Variants in C1orf21 observed in about 807,000 individuals in gnomAD.
The protein encoded by C1orf21 is chromosome 1 open reading frame 21, also known as uncharacterized protein C1orf21.
C1orf21 carries 3 observed loss-of-function variants against 18.7 expected under a neutral mutation model. That is an observed-to-expected ratio of 0.16 (90% CI 0.07 to 0.42). C1orf21 has a LOEUF of 0.42. C1orf21 is among the 10% of genes least tolerant of loss of function. The pLI is 0.99. For missense variants in C1orf21, 104 were observed against 143.6 expected (o/e 0.72, Z 1.41); for synonymous variants, 41 against 46.4 (o/e 0.88, Z 0.47).
chr1:184,526,120 C>G (rs1446059398), intron 3 of C1orf21, among the ~76,000 whole-genome samples: 2 of 152,108 alleles, frequency 1.3e-5, no homozygotes. Flanking sequence ...GTTGAGTTAA[C>G]CATATTGTCC....
At chr1:184,497,812 C>T (rs1490512855) in intron 2 of C1orf21, among the ~76,000 whole-genome samples, 4 of 152,052 alleles carry the variant, frequency 2.6e-5, no homozygotes, top group Non-Finnish European at 4.4e-5. Context: ...CAGAGACATA[C>T]GAAAAGAAGC....
Position 184,628,552 on chromosome 1 carries a change from A to T in C1orf21, c.*8996A>T, listed in dbSNP as rs1308553829. 6.6e-6 allele frequency: 1 copy of T among 152,550 alleles called. No homozygotes were observed. The highest frequency in any genetic ancestry group is 1.5e-5 in the Non-Finnish European group (1 of 68,046). The allele number at this position is 152,550 out of a possible 1,614,324, so 9.4% of individuals were successfully genotyped here. A position where few individuals can be genotyped will look rare whatever the true frequency, so the allele number is the denominator to read the frequency against. ...GCAGAATAAGAAAGTCCTAAGGCAG[A>T]ATCCCCAGGAACTTCAAATCTGGGA... On this transcript the variant is annotated 3_prime_UTR_variant, in exon 6 of 6. Coordinates refer to ENST00000235307, the MANE Select transcript of C1orf21 (RefSeq NM_030806.4).
intron 2 of C1orf21, among the ~76,000 whole-genome samples, chr1:184,506,404 G>C (rs527652300): frequency 6.6e-6 from 1 of 152,176 alleles, no homozygotes; most frequent in Non-Finnish European, 1.5e-5. Flanking sequence ...ATATTAGAAA[G>C]TGGTGTTATA....
At chr1:184,539,094 T>G (rs1658604848) in intron 3 of C1orf21, among the ~76,000 whole-genome samples, 1 of 152,158 alleles carries the variant, frequency 6.6e-6, no homozygotes, top group Admixed American at 6.5e-5. Context: ...GAGGGGAAGA[T>G]TTTAATCTTT....
intron 3 of C1orf21, among the ~76,000 whole-genome samples, chr1:184,551,947 A>AAG (rs1178053068): frequency 6.6e-6 from 1 of 151,716 alleles, no homozygotes; most frequent in East Asian, 1.9e-4. Flanking sequence ...CTGTCTTAAA[A>AAG]AAAAAAAAAA....
chr1:184,559,477 T>TCCTTCCCC lies in C1orf21; in HGVS notation c.190-31256_190-31255insCCCCTTCC, dbSNP rs58937411. ...GGCATCTTTCTTTCTCTCCTTTCCC[T>TCCTTCCCC]CCTTCCTTCCTTCCTTCCTTCCTTC... On this transcript the variant is annotated intron_variant, in intron 3 of 5. Coordinates refer to ENST00000235307, the MANE Select transcript of C1orf21 (RefSeq NM_030806.4). 3.3e-3 allele frequency among the ~76,000 whole-genome samples: 361 copies of TCCTTCCCC among 108,006 alleles called. 19 individuals are homozygous for TCCTTCCCC. The highest frequency in any genetic ancestry group is 0.017 in the African/African-American group (342 of 20,536). The allele number at this position is 108,006 out of a possible 152,430, so 70.9% of individuals were successfully genotyped here.
chr1:184,498,848 A>C (rs1263996325), intron 2 of C1orf21, among the ~76,000 whole-genome samples: 1 of 152,230 alleles, frequency 6.6e-6, no homozygotes, highest in Non-Finnish European at 1.5e-5. Context: ...CATTTGTGGG[A>C]AACACTAATA....
At chr1:184,478,599 C>A (rs1290630995) in intron 2 of C1orf21, among the ~76,000 whole-genome samples, 1 of 152,194 alleles carries the variant, frequency 6.6e-6, no homozygotes, top group African/African-American at 2.4e-5. Context: ...ACTGCTAACG[C>A]TTCCCCGGTG....
chr1:184,525,134 A>G (rs896803264), intron 3 of C1orf21, among the ~76,000 whole-genome samples: 7 of 152,062 alleles, frequency 4.6e-5, no homozygotes, highest in Admixed American at 4.6e-4. Flanking sequence ...ACAGAAAAAA[A>G]AAACTCTTGT....
At chr1:184,431,894 C>T (rs1207625432) in intron 1 of C1orf21, among the ~76,000 whole-genome samples, 1 of 152,172 alleles carries the variant, frequency 6.6e-6, no homozygotes, top group African/African-American at 2.4e-5. Flanking sequence ...CAAAAGAAGA[C>T]ATTTATGCAG....
At chr1:184,429,037 C>A (rs898454470) in intron 1 of C1orf21, among the ~76,000 whole-genome samples, 1 of 152,144 alleles carries the variant, frequency 6.6e-6, no homozygotes, top group East Asian at 1.9e-4. Flanking sequence ...GTCCAACACA[C>A]TTTTTGTCTC....
chr1:184,441,983 C>T (rs908709014), intron 1 of C1orf21, among the ~76,000 whole-genome samples: 1 of 152,070 alleles, frequency 6.6e-6, no homozygotes, highest in Admixed American at 6.6e-5. Context: ...ATGTTGTAGT[C>T]AGTGAATGGA....
At chr1:184,481,680 T>A (rs1480419485) in intron 2 of C1orf21, among the ~76,000 whole-genome samples, 1 of 152,170 alleles carries the variant, frequency 6.6e-6, no homozygotes, top group African/African-American at 2.4e-5. Context: ...AACACCCACA[T>A]TGAAATTTTA....
chr1:184,428,668 A>T (rs1416719727), intron 1 of C1orf21, among the ~76,000 whole-genome samples: 1 of 152,088 alleles, frequency 6.6e-6, no homozygotes, highest in African/African-American at 2.4e-5. Context: ...CATAGTTCTG[A>T]TTTACTTTTG....
intron 1 of C1orf21, among the ~76,000 whole-genome samples, chr1:184,420,754 C>A (rs546370089): frequency 1.3e-5 from 2 of 152,200 alleles, no homozygotes; most frequent in African/African-American, 2.4e-5. Flanking sequence ...AATAACCCCC[C>A]CACACAACAT....
intron 2 of C1orf21, among the ~76,000 whole-genome samples, chr1:184,496,807 T>A (rs960375515): frequency 2.6e-5 from 4 of 152,246 alleles, no homozygotes; most frequent in Non-Finnish European, 4.4e-5. Context: ...TTTCATACTT[T>A]GCTATAGGTT....
At chr1:184,547,171 T>C (rs905912851) in intron 3 of C1orf21, among the ~76,000 whole-genome samples, 4 of 152,118 alleles carry the variant, frequency 2.6e-5, no homozygotes, top group Non-Finnish European at 5.9e-5. Flanking sequence ...AGTAGGTTGA[T>C]ACAAAGCCGG....
chr1:184,391,113 C>T (rs1003730123), intron 1 of C1orf21, among the ~76,000 whole-genome samples: 2 of 152,036 alleles, frequency 1.3e-5, no homozygotes, highest in African/African-American at 4.8e-5. Context: ...TTTAATTTTA[C>T]AAGTTATAGT....
In C1orf21 at chr1:184,624,748, A is replaced by G. The variant is rs1659978724; in HGVS notation, c.*5192A>G. 1 of 152,218 alleles carries G rather than the reference A, an allele frequency of 6.6e-6. No individual in the cohort carries two copies. Among genetic ancestry groups the G allele is most frequent in the Non-Finnish European group, 1.5e-5 (1 of 68,040 alleles). The allele number at this position is 152,218 out of a possible 1,614,324, so 9.4% of individuals were successfully genotyped here. ...CTTACATGTTTTAGATAGTCATGTA[A>G]TGACTTGGATAGACATTTAAATAAC... On this transcript the variant is annotated 3_prime_UTR_variant, in exon 6 of 6. Transcript: ENST00000235307.
Sources: gnomAD v4.1 joint callset for allele counts (sites outside exome capture counted in the v4.1 genomes callset) on GRCh38, gnomAD v4.1.1 for gene constraint, MANE v1.5 for transcripts, NCBI Gene and HGNC (gene_info 2026-07-23, HGNC 2026-07-21) for gene names.